KCNAB1: variants seen among roughly 807,000 people sequenced by gnomAD.
KCNAB1 encodes the protein voltage-gated potassium channel subunit beta-1.
A neutral mutation model predicts 64.6 loss-of-function variants in KCNAB1; 35 were observed. The ratio of observed to expected loss-of-function variants is 0.54; its 90% CI spans 0.41 to 0.72. The LOEUF (loss-of-function observed/expected upper bound fraction) is 0.72, where lower values mean the gene tolerates loss of function less well. KCNAB1 is among the 30% of genes least tolerant of loss of function. The pLI is 0.00. For missense variants in KCNAB1, 401 were observed against 512.9 expected, an observed-to-expected ratio of 0.78 and a Z score of 2.11; for synonymous variants, 177 against 183.8, an observed-to-expected ratio of 0.96 and a Z score of 0.30.
At chr3:156,130,325 C>T (rs937109490) in intron 1 of KCNAB1, among the ~76,000 whole-genome samples, 13 of 151,770 alleles carry the variant, frequency 8.6e-5, no homozygotes, top group African/African-American at 3.1e-4. Context: ...ATGTAGCCTT[C>T]ATTCCTTCAT....
chr3:156,185,832 G>A (rs190215615), intron 1 of KCNAB1, among the ~76,000 whole-genome samples: 3 of 152,178 alleles, frequency 2.0e-5, no homozygotes, highest in Non-Finnish European at 4.4e-5. Context: ...TGTACCTTCT[G>A]TTTTTCAAGT....
Position 156,205,782 on chromosome 3 carries a change from T to A in KCNAB1, c.275+84896T>A, listed in dbSNP as rs1714619400. On this transcript the variant is annotated intron_variant, in intron 1 of 13. Coordinates refer to ENST00000490337, the MANE Select transcript of KCNAB1 (RefSeq NM_172160.3). ...TGACTTCTAAAATATGGATCTGGCCTTGTCAATACCCTGACTAGATGCTTT... is the reference window on the plus strand; with the variant it reads ...TGACTTCTAAAATATGGATCTGGCCATGTCAATACCCTGACTAGATGCTTT... 2.0e-5 allele frequency among the ~76,000 whole-genome samples: 3 copies of A among 152,316 alleles called. No individual in the cohort carries two copies. The South Asian group carries it at 6.2e-4, about 32-fold the overall frequency.
At chr3:156,232,219 A>T (rs141959756) in intron 1 of KCNAB1, among the ~76,000 whole-genome samples, 1 of 152,210 alleles carries the variant, frequency 6.6e-6, no homozygotes, top group Admixed American at 6.5e-5. Context: ...CCCTCCCTTC[A>T]TACAAACTCT....
rs1045478894 is a variant in KCNAB1 at position 156,316,259 on chromosome 3, C to T, written c.276-105357C>T. On this transcript the variant is annotated intron_variant, in intron 1 of 13. Transcript: ENST00000490337. ...AAACCAACACCCACCCCCAGCCAAG[C>T]AGTGGTAAAGTCAAGTCAGCTCTTT... Among the ~76,000 whole-genome samples the T allele has an allele frequency of 3.9e-5, 6 of 152,338 alleles. 1 individual carries two copies. The South Asian group carries it at 8.3e-4, about 21-fold the overall frequency.
At chr3:156,198,079 T>G (rs1714070483) in intron 1 of KCNAB1, among the ~76,000 whole-genome samples, 1 of 152,244 alleles carries the variant, frequency 6.6e-6, no homozygotes, top group Admixed American at 6.5e-5. Context: ...TTGTTCGGTT[T>G]CCATGTAGTT....
chr3:156,477,115 C>T lies in KCNAB1; in HGVS notation c.658+2295C>T, dbSNP rs1226522927. On this transcript the variant is annotated intron_variant, in intron 8 of 13. Coordinates refer to ENST00000490337, the MANE Select transcript of KCNAB1 (RefSeq NM_172160.3). ...CAATTAGGAGCCAAACTATGTGATA[C>T]CAACAAGATAATGATGTCTCTTGTA... Among the ~76,000 whole-genome samples, 15 of 152,216 alleles carry T rather than the reference C, an allele frequency of 9.9e-5. No homozygotes were observed. The East Asian group carries it at 2.7e-3, about 27-fold the overall frequency.
At chr3:156,390,298 T>C (rs1266204883) in intron 1 of KCNAB1, among the ~76,000 whole-genome samples, 1 of 152,122 alleles carries the variant, frequency 6.6e-6, no homozygotes, top group African/African-American at 2.4e-5. Context: ...TGGGTGTCGG[T>C]TGTGTAGAGA....
intron 1 of KCNAB1, among the ~76,000 whole-genome samples, chr3:156,148,272 G>C (rs1560108080): frequency 2.0e-5 from 3 of 152,118 alleles, no homozygotes; most frequent in African/African-American, 7.2e-5. Flanking sequence ...TAGATTGTTA[G>C]TTATTTGTGT....
intron 1 of KCNAB1, among the ~76,000 whole-genome samples, chr3:156,326,633 C>A (rs1722983231): frequency 6.6e-6 from 1 of 152,150 alleles, no homozygotes. Flanking sequence ...ATGATACAGT[C>A]TCACCATTCC....
In KCNAB1 at chr3:156,354,047, A is replaced by ATATGTGTG. The variant is rs1553851297; in HGVS notation, c.276-67568_276-67567insATGTGTGT. Among the ~76,000 whole-genome samples the ATATGTGTG allele has an allele frequency of 4.8e-3, 654 of 137,572 alleles. 5 individuals are homozygous for ATATGTGTG. The highest frequency in any genetic ancestry group is 0.013 in the African/African-American group (478 of 36,976). The allele number at this position is 137,572 out of a possible 152,430, so 90.3% of individuals were successfully genotyped here. On this transcript the variant is annotated intron_variant, in intron 1 of 13. Coordinates refer to ENST00000490337, the MANE Select transcript of KCNAB1 (RefSeq NM_172160.3). ...TGTCATAATGTGTGTGTGTATATAT[A>ATATGTGTG]TGTGTGTGTGTGTGTGTGTGTGTGT...
chr3:156,388,597 C>T (rs528301760), intron 1 of KCNAB1, among the ~76,000 whole-genome samples: 2 of 152,214 alleles, frequency 1.3e-5, no homozygotes, highest in Non-Finnish European at 2.9e-5. Context: ...TGAGTTACAT[C>T]ATAGTCTATT....
At chr3:156,288,731 A>C (rs1720230559) in intron 1 of KCNAB1, among the ~76,000 whole-genome samples, 1 of 152,076 alleles carries the variant, frequency 6.6e-6, no homozygotes, top group Non-Finnish European at 1.5e-5. Context: ...CAGGTCTTTG[A>C]TTTTCTTTGA....
intron 11 of KCNAB1, 199 bp from the exon 12 acceptor site, chr3:156,523,627 TC>T: frequency 1.8e-6 from 1 of 549,446 alleles, no homozygotes. Context: ...TTAGTCAAAA[TC>T]AATCTGTTTT....
chr3:156,245,273 C>T (rs1447271346), intron 1 of KCNAB1, among the ~76,000 whole-genome samples: 2 of 152,086 alleles, frequency 1.3e-5, no homozygotes, highest in Non-Finnish European at 2.9e-5. Flanking sequence ...TCTTTTTCTT[C>T]CTATTTTTAC....
At chr3:156,427,676 T>C (rs1715908085) in intron 2 of KCNAB1, among the ~76,000 whole-genome samples, 1 of 152,104 alleles carries the variant, frequency 6.6e-6, no homozygotes, top group Admixed American at 6.5e-5. Context: ...GGTATATCAA[T>C]GAAGAGACAG....
intron 1 of KCNAB1, among the ~76,000 whole-genome samples, chr3:156,198,616 C>CTTTT (rs59410120): frequency 1.5e-4 from 18 of 118,506 alleles, no homozygotes; most frequent in South Asian, 2.8e-4. Context: ...GCAAACCCTG[C>CTTTT]TTTTTTTTTT....
At chr3:156,405,308 C>A (rs78762962) in intron 1 of KCNAB1, among the ~76,000 whole-genome samples, 3,027 of 152,292 alleles carry the variant, frequency 0.02, 104 homozygotes, top group African/African-American at 0.07. Flanking sequence ...ACCTCCTGCT[C>A]TCCAGTCTTC....
chr3:156,213,221 T>TC (rs1229181072), intron 1 of KCNAB1, among the ~76,000 whole-genome samples: 2 of 151,402 alleles, frequency 1.3e-5, no homozygotes, highest in Non-Finnish European at 2.9e-5. Context: ...TTCACTTTTT[T>TC]TTTTTTTTGT....
At chr3:156,522,626 A>C (rs1409860008) in intron 11 of KCNAB1, among the ~76,000 whole-genome samples, 1 of 152,216 alleles carries the variant, frequency 6.6e-6, no homozygotes, top group Non-Finnish European at 1.5e-5. Flanking sequence ...TCCTTTTCTC[A>C]TCGGCAAAAT....
Sources: gnomAD v4.1 joint callset for allele counts (sites outside exome capture counted in the v4.1 genomes callset) on GRCh38, gnomAD v4.1.1 for gene constraint, MANE v1.5 for transcripts, NCBI Gene and HGNC (gene_info 2026-07-23, HGNC 2026-07-21) for gene names.